CTIF: variants seen among roughly 807,000 people sequenced by gnomAD.
CTIF encodes the protein CBP80/20-dependent translation initiation factor.
CTIF carries 21 observed loss-of-function variants against 66.0 expected under a neutral mutation model. The observed-to-expected ratio is 0.32, with a 90% CI of 0.23 to 0.46. The LOEUF is 0.46. Among genes scored for constraint, CTIF ranks in the 20% least tolerant of loss-of-function variants. CTIF has a pLI of 1.00. For synonymous variants in CTIF, 345 were observed against 326.4 expected, an observed-to-expected ratio of 1.06 and a Z score of -0.62; for missense variants, 739 against 812.7, an observed-to-expected ratio of 0.91 and a Z score of 1.10.
At chr18:48,758,974 C>T (rs2145870691) in intron 8 of CTIF, among the ~76,000 whole-genome samples, 1 of 152,150 alleles carries the variant, frequency 6.6e-6, no homozygotes, top group Admixed American at 6.5e-5. Context: ...TAAGGTGGCT[C>T]CATTCTCAGC....
At chr18:48,783,467 A>T (rs532021767) in intron 9 of CTIF, among the ~76,000 whole-genome samples, 1 of 152,250 alleles carries the variant, frequency 6.6e-6, no homozygotes, top group South Asian at 2.1e-4. Context: ...CAGTCCAATA[A>T]ATCTTGGAGC....
intron 9 of CTIF, among the ~76,000 whole-genome samples, chr18:48,768,816 G>A (rs1174340862): frequency 6.6e-6 from 1 of 152,136 alleles, no homozygotes; most frequent in Non-Finnish European, 1.5e-5. Flanking sequence ...GAGGCAGGAG[G>A]ATCCATTCAG....
chr18:48,609,163 T>C lies in CTIF; in HGVS notation c.-28-10375T>C, dbSNP rs116860685. On this transcript the variant is annotated intron_variant, in intron 1 of 11. Coordinates refer to ENST00000256413, the MANE Select transcript of CTIF (RefSeq NM_014772.3). ...TGGCAAAACAGGTCAACCCAGGGATTGGAATACAGGAGAGAGCCAGACTGA... is the reference window on the plus strand; with the variant it reads ...TGGCAAAACAGGTCAACCCAGGGATCGGAATACAGGAGAGAGCCAGACTGA... Among the ~76,000 whole-genome samples, 216 of 152,254 alleles carry C rather than the reference T, an allele frequency of 1.4e-3. 1 individual carries two copies. The highest frequency in any genetic ancestry group is 4.2e-3 in the East Asian group (22 of 5,180).
chr18:48,753,499 G>A (rs1908035984), intron 7 of CTIF, among the ~76,000 whole-genome samples: 1 of 152,028 alleles, frequency 6.6e-6, no homozygotes, highest in Admixed American at 6.5e-5. Flanking sequence ...ATAAAAGAGA[G>A]CAGTCTTAGA....
At chr18:48,601,939 T>C (rs774155772) in intron 1 of CTIF, among the ~76,000 whole-genome samples, 1 of 152,230 alleles carries the variant, frequency 6.6e-6, no homozygotes, top group Non-Finnish European at 1.5e-5. Context: ...TCCTCACCTA[T>C]AATATGAAGA....
At chr18:48,808,516 CTT>C (rs34004475) in intron 9 of CTIF, among the ~76,000 whole-genome samples, 1,696 of 135,462 alleles carry the variant, frequency 0.013, 30 homozygotes, top group African/African-American at 0.04. Context: ...ATTTTTGGTC[CTT>C]TTTTTTTTTT....
intron 1 of CTIF, among the ~76,000 whole-genome samples, chr18:48,583,627 C>G (rs893665074): frequency 1.8e-4 from 28 of 152,194 alleles, no homozygotes; most frequent in Non-Finnish European, 2.6e-4. Context: ...TGCAACATGC[C>G]TGTCTTCTTC....
At chr18:48,618,544 G>A (rs909056478) in intron 1 of CTIF, among the ~76,000 whole-genome samples, 4 of 152,232 alleles carry the variant, frequency 2.6e-5, no homozygotes, top group Non-Finnish European at 5.9e-5. Context: ...GCCCATCAGA[G>A]GAAGGGGAGG....
chr18:48,616,044 G>A (rs1461498248), intron 1 of CTIF, among the ~76,000 whole-genome samples: 2 of 152,172 alleles, frequency 1.3e-5, no homozygotes. Context: ...TGAGACACTC[G>A]GGCATGTTTG....
In CTIF at chr18:48,670,720, C is replaced by T. The variant is rs147083066; in HGVS notation, c.483C>T (p.Ile161=). ...EDGDGINLND[I]EKVLPAWQGY... is the part of the protein sequence containing the mutation. ...GGGATGGCATCAACCTGAATGACAT[C>T]GAGAAGGTCCTTCCAGCCTGGCAGG... The change falls in exon 6 of 12, where the codon ATC becomes ATT. Residue 161 remains isoleucine (I), a synonymous_variant. Coordinates refer to ENST00000256413, the MANE Select transcript of CTIF (RefSeq NM_014772.3). The T allele has an allele frequency of 7.7e-5, 124 of 1,614,106 alleles. No individual in the cohort carries two copies. The highest frequency in any genetic ancestry group is 9.5e-5 in the Non-Finnish European group (112 of 1,179,968).
At chr18:48,820,772 G>GT (rs71165349) in intron 10 of CTIF, among the ~76,000 whole-genome samples, 4,059 of 152,312 alleles carry the variant, frequency 0.027, 77 homozygotes, top group Middle Eastern at 0.085. Flanking sequence ...CTGCTTCTGA[G>GT]TAAAACCCAA....
rs571464435 is a variant in CTIF at position 48,818,761 on chromosome 18, G to T, written c.1527+1385G>T. Reference sequence around the variant, plus strand: ...CCACCACCGGCAGGCCTCTGCAGGGGCTACCAGGACACAAGGAGGAACAGC... The same window carrying T: ...CCACCACCGGCAGGCCTCTGCAGGGTCTACCAGGACACAAGGAGGAACAGC... On this transcript the variant is annotated intron_variant, in intron 10 of 11. Coordinates refer to ENST00000256413, the MANE Select transcript of CTIF (RefSeq NM_014772.3). Among the ~76,000 whole-genome samples the T allele has an allele frequency of 2.0e-5, 3 of 152,166 alleles. No individual in the cohort carries two copies. The East Asian group carries it at 5.8e-4, about 29-fold the overall frequency.
chr18:48,651,375 A>G (rs1479965088), intron 3 of CTIF, among the ~76,000 whole-genome samples: 1 of 152,236 alleles, frequency 6.6e-6, no homozygotes, highest in East Asian at 1.9e-4. Flanking sequence ...CTTTAAACCA[A>G]CAAAGATCAA....
At chr18:48,549,802 G>A (rs917112827) in intron 1 of CTIF, among the ~76,000 whole-genome samples, 16 of 152,170 alleles carry the variant, frequency 1.1e-4, no homozygotes, top group East Asian at 1.9e-4. Context: ...TGGTGCTTTC[G>A]CCTCATCTAG....
At chr18:48,846,492 AGGATAGATGGATGGATGGATGGAT>A (rs1191699354) in intron 10 of CTIF, among the ~76,000 whole-genome samples, 5 of 125,212 alleles carry the variant, frequency 4.0e-5, no homozygotes, top group African/African-American at 1.7e-4. Context: ...GATGGATGAA[AGGATAGATGGATGGATGGATGGAT>A]GGATGGATGG....
At chr18:48,658,162 ATG>A (rs910696214) in intron 3 of CTIF, among the ~76,000 whole-genome samples, 6 of 151,396 alleles carry the variant, frequency 4.0e-5, no homozygotes, top group Admixed American at 6.6e-5. Context: ...TTTGTGTGTG[ATG>A]TGTGTGTATG....
chr18:48,604,174 T>TTG (rs2090160798), intron 1 of CTIF, among the ~76,000 whole-genome samples: 1 of 115,402 alleles, frequency 8.7e-6, no homozygotes, highest in East Asian at 2.6e-4. Context: ...AAGGGTTTTT[T>TTG]TTTTTTTTTT....
Position 48,810,845 on chromosome 18 carries a change from A to T in CTIF, c.1372-6376A>T, listed in dbSNP as rs2068244769. On this transcript the variant is annotated intron_variant, in intron 9 of 11. Transcript: ENST00000256413. Reference sequence around the variant, plus strand: ...TATATAAAACCTTATAATTTTATTTAATAATTGTTATCTTAAAAATACTTC... The same window carrying T: ...TATATAAAACCTTATAATTTTATTTTATAATTGTTATCTTAAAAATACTTC... Among the ~76,000 whole-genome samples, 2 of 151,478 alleles carry T rather than the reference A, an allele frequency of 1.3e-5. 1 individual carries two copies. Among genetic ancestry groups the T allele is most frequent in the South Asian group, 4.2e-4 (2 of 4,812 alleles).
At chr18:48,800,131 G>A (rs1301115697) in intron 9 of CTIF, among the ~76,000 whole-genome samples, 1 of 152,174 alleles carries the variant, frequency 6.6e-6, no homozygotes, top group African/African-American at 2.4e-5. Flanking sequence ...TGGGGTGAAG[G>A]TGGGGCACCT....
Sources: gnomAD v4.1 joint callset for allele counts (sites outside exome capture counted in the v4.1 genomes callset) on GRCh38, gnomAD v4.1.1 for gene constraint, MANE v1.5 for transcripts, NCBI Gene and HGNC (gene_info 2026-07-23, HGNC 2026-07-21) for gene names.